RRM2: variants seen among roughly 807,000 people sequenced by gnomAD.
The protein encoded by RRM2 is ribonucleoside-diphosphate reductase subunit M2.
A neutral mutation model predicts 45.9 loss-of-function variants in RRM2; 6 were observed. That is an observed-to-expected ratio of 0.13 (90% confidence interval 0.07 to 0.26). The LOEUF is 0.26. Ranked by LOEUF, RRM2 falls within the 10% of genes least tolerant of loss-of-function variation. The probability of loss-of-function intolerance (pLI) is 1.00; values close to 1 mark genes in which losing one functional copy is unlikely to be tolerated. For missense variants in RRM2, 343 were observed against 489.5 expected (o/e 0.70, Z 2.82); for synonymous variants, 177 against 173.0 (o/e 1.02, Z -0.18).
intron 3 of RRM2, among the ~76,000 whole-genome samples, chr2:10,148,143 CAAAAAAAAAAAAAAAAA>C (rs374826185): frequency 2.0e-4 from 24 of 119,580 alleles, no homozygotes; most frequent in Non-Finnish European, 1.9e-4. Context: ...GACCCTGACT[CAAAAAAAAAAAAAAAAA>C]AAAAAAAAAA....
At chr2:10,192,284 C>G (rs1177840648) in intron 3 of RRM2, among the ~76,000 whole-genome samples, 1 of 152,214 alleles carries the variant, frequency 6.6e-6, no homozygotes. Flanking sequence ...TGAGCAAAGC[C>G]TTCCCCAGGG....
chr2:10,152,534 G>T (rs1396089630), intron 3 of RRM2, among the ~76,000 whole-genome samples: 1 of 149,692 alleles, frequency 6.7e-6, no homozygotes, highest in African/African-American at 2.5e-5. Flanking sequence ...CCAGGCCAGA[G>T]TGCAGTGGTG....
chr2:10,129,738 T>A lies in RRM2; in HGVS notation c.*352T>A. The A allele has an allele frequency of 5.0e-6, 1 of 201,024 alleles. No individual in the cohort carries two copies. Among genetic ancestry groups the A allele is most frequent in the Non-Finnish European group, 1.0e-5 (1 of 99,976 alleles). 12.5% of individuals were successfully genotyped at this position (201,024 alleles called of 1,614,324 possible). A position where few individuals can be genotyped will look rare whatever the true frequency, so the allele number is the denominator to read the frequency against. On this transcript the variant is annotated 3_prime_UTR_variant, in exon 10 of 10. Coordinates refer to ENST00000304567, the MANE Select transcript of RRM2 (RefSeq NM_001034.4). The surrounding 1 kb of genome is among the most constrained non-coding windows in gnomAD (Gnocchi z 4.8). ...AGCCTCACTGCTTCAACGCAGATTT[T>A]AATGTTTACTTAAATATAAACCTGG...
chr2:10,136,096 T>C (rs114711591), downstream of RRM2, among the ~76,000 whole-genome samples: 1,008 of 152,262 alleles, frequency 6.6e-3, 6 homozygotes, highest in Non-Finnish European at 0.01. Flanking sequence ...GAGAAGATGT[T>C]CCATCTTCCT....
At chr2:10,199,697 G>A (rs1037594352) in intron 3 of RRM2, among the ~76,000 whole-genome samples, 4 of 140,790 alleles carry the variant, frequency 2.8e-5, no homozygotes, top group African/African-American at 1.1e-4. Context: ...GGAGAATGGC[G>A]TGAACCCAGA....
chr2:10,210,119 G>C (rs1449358958), intron 3 of RRM2, among the ~76,000 whole-genome samples: 1 of 152,160 alleles, frequency 6.6e-6, no homozygotes, highest in African/African-American at 2.4e-5. Context: ...CTTGGCCCCA[G>C]CCCTCCTCCC....
rs374341790 is a variant in RRM2, at chr2:10,143,787, C to T, written n.482+1412C>T. On this transcript the variant is annotated intron_variant and non_coding_transcript_variant, in intron 3 of 3. Transcript: ENST00000381786. ...GGTTCAAGCAATTCTCCTGCCTCAGCCTCTCGAGTAGCTGGGACTACAGGT... is the reference window on the plus strand; with the variant it reads ...GGTTCAAGCAATTCTCCTGCCTCAGTCTCTCGAGTAGCTGGGACTACAGGT... Among the ~76,000 whole-genome samples the T allele has an allele frequency of 5.1e-4, 78 of 152,316 alleles. No homozygotes were observed. The Middle Eastern group carries it at 0.017, about 33-fold the overall frequency.
chr2:10,142,446 A>T, intron 3 of RRM2: 1 of 1,344,304 alleles, frequency 7.4e-7, no homozygotes, highest in East Asian at 4.6e-5. Context: ...GGGGCCTGTC[A>T]TCTGCTGTTT....
At chr2:10,162,720 C>T (rs1377357277) in intron 3 of RRM2, among the ~76,000 whole-genome samples, 3 of 151,286 alleles carry the variant, frequency 2.0e-5, no homozygotes, top group East Asian at 3.9e-4. Context: ...GGAGTCACAG[C>T]TCTTCCTGAT....
intron 3 of RRM2, among the ~76,000 whole-genome samples, chr2:10,207,769 C>G (rs1171353270): frequency 6.6e-6 from 1 of 152,106 alleles, no homozygotes; most frequent in Non-Finnish European, 1.5e-5. Context: ...GTGCCATGGT[C>G]CCCTCATCTG....
At chr2:10,199,800 A>AACAAAAC (rs1558406239) in intron 3 of RRM2, among the ~76,000 whole-genome samples, 1 of 97,884 alleles carries the variant, frequency 1.0e-5, no homozygotes, top group Non-Finnish European at 1.9e-5. Context: ...AAAAAAAAAA[A>AACAAAAC]AAAAAAAAAC....
At chr2:10,147,338 A>G (rs1333550258) in intron 3 of RRM2, among the ~76,000 whole-genome samples, 4 of 152,104 alleles carry the variant, frequency 2.6e-5, no homozygotes, top group Non-Finnish European at 2.9e-5. Flanking sequence ...GCAGGAGTGC[A>G]GTGGCACAGT....
chr2:10,152,053 A>G (rs533035889), intron 3 of RRM2, among the ~76,000 whole-genome samples: 44 of 151,588 alleles, frequency 2.9e-4, no homozygotes, highest in Non-Finnish European at 2.2e-4. Context: ...GGTTCATGCT[A>G]TTCTCCTGCC....
At chr2:10,128,716 G>C (rs1236375521) in intron 7 of RRM2, 132 bp from the exon 8 acceptor site, 5 of 676,804 alleles carry the variant, frequency 7.4e-6, no homozygotes, top group Non-Finnish European at 1.3e-5. Flanking sequence ...TCTTCCCTTT[G>C]AGAGTTCAAG....
chr2:10,154,200 G>A (rs1285543346), intron 3 of RRM2, among the ~76,000 whole-genome samples: 2 of 152,288 alleles, frequency 1.3e-5, no homozygotes, highest in Non-Finnish European at 2.9e-5. Flanking sequence ...CAGGCTGGGC[G>A]TGGTGGCTCA....
chr2:10,209,630 TG>T (rs1262648651), intron 3 of RRM2, among the ~76,000 whole-genome samples: 2 of 136,094 alleles, frequency 1.5e-5, no homozygotes, highest in Non-Finnish European at 3.4e-5. Flanking sequence ...TGTGTGTGTG[TG>T]TGTGTGTTGG....
intron 3 of RRM2, among the ~76,000 whole-genome samples, chr2:10,197,238 A>G (rs1186649397): frequency 6.6e-6 from 1 of 152,228 alleles, no homozygotes; most frequent in Non-Finnish European, 1.5e-5. Flanking sequence ...GGGAAGTCAC[A>G]GGTAGTCACA....
rs1662857297 is a variant in RRM2, at chr2:10,129,688, A to G, written c.*302A>G. The G allele has an allele frequency of 3.4e-6, 1 of 296,080 alleles. No homozygotes were observed. The highest frequency in any genetic ancestry group is 2.2e-5 in the African/African-American group (1 of 46,404). The allele number at this position is 296,080 out of a possible 1,614,324, so 18.3% of individuals were successfully genotyped here. A position where few individuals can be genotyped will look rare whatever the true frequency, so the allele number is the denominator to read the frequency against. ...CACAGCGGGATTAAACAGTCCTTTA[A>G]CCAGCACAGCCAGTTAAAAGATGCA... On this transcript the variant is annotated 3_prime_UTR_variant, in exon 10 of 10. Transcript: ENST00000304567. This position sits in a 1 kb window ranked among gnomAD's most constrained non-coding sequence, Gnocchi z 4.8.
In RRM2 at chr2:10,205,535, C is replaced by T. The variant is rs1664646867; in HGVS notation, n.483-4776C>T. Among the ~76,000 whole-genome samples the T allele has an allele frequency of 6.6e-6, 1 of 152,076 alleles. No individual in the cohort carries two copies. Among genetic ancestry groups the T allele is most frequent in the Admixed American group, 6.6e-5 (1 of 15,264 alleles). ...TTTTACTTTTCTGGTTCTAGTTTCT[C>T]AGGGAATGAGGCAGGAGGAGAGACA... On this transcript the variant is annotated intron_variant and non_coding_transcript_variant, in intron 3 of 3. Coordinates refer to the RRM2 transcript ENST00000381786. This position sits in a 1 kb window ranked among gnomAD's most constrained non-coding sequence, Gnocchi z 4.8.
Sources: allele counts gnomAD v4.1 joint callset (sites outside exome capture counted in the v4.1 genomes callset), GRCh38; gene constraint gnomAD v4.1.1; non-coding constraint Gnocchi (gnomAD v3.1); transcripts MANE v1.5; gene names NCBI Gene and HGNC (gene_info 2026-07-23, HGNC 2026-07-21).